The following UBE2E2 variants were observed in gnomAD, a reference collection of about 807,000 sequenced individuals.
UBE2E2 encodes the protein ubiquitin conjugating enzyme E2 E2, also known as ubiquitin-conjugating enzyme E2 E2.
UBE2E2 carries 6 observed loss-of-function variants against 24.7 expected under a neutral mutation model. That is an observed-to-expected ratio of 0.24 (90% CI 0.13 to 0.48). The LOEUF (loss-of-function observed/expected upper bound fraction) is 0.48, where lower values mean the gene tolerates loss of function less well. UBE2E2 is among the 20% of genes least tolerant of loss of function. UBE2E2 has a pLI of 0.99. For synonymous variants in UBE2E2, 104 were observed against 83.6 expected, an observed-to-expected ratio of 1.24 and a Z score of -1.33; for missense variants, 169 against 245.0, an observed-to-expected ratio of 0.69 and a Z score of 2.07.
In UBE2E2 at chr3:23,499,683, A is replaced by G. The variant is rs750229816; in HGVS notation, c.303A>G (p.Gly101=). 5 of 1,613,826 alleles carry G rather than the reference A, an allele frequency of 3.1e-6. No individual in the cohort carries two copies. In the African/African-American group the frequency reaches 6.7e-5, roughly 22 times the overall value. The stretch of plus-strand genomic sequence containing the variant: ...GACCCCCAGGATCTGTCTATGAAGG[A>G]GGGGTGTTCTTTCTTGACATTACCT... The part of the protein sequence containing the change: ...ILGPPGSVYE[G]GVFFLDITFS... The change falls in exon 4 of 6, where the codon GGA becomes GGG. Residue 101 remains glycine, a synonymous_variant. Coordinates refer to ENST00000396703, the MANE Select transcript of UBE2E2 (RefSeq NM_152653.4).
rs1284081496 is a variant in UBE2E2, at chr3:23,270,382, G to T, written c.227+53070G>T. Among the ~76,000 whole-genome samples the T allele has an allele frequency of 4.6e-5, 7 of 152,044 alleles. No individual in the cohort carries two copies. In the South Asian group the frequency reaches 1.5e-3, roughly 32 times the overall value. ...GGCTTGGCTGATCTTGTCTTTTGCC[G>T]TTCCTGCACTCTTTTGTATGAGAGC... On this transcript the variant is annotated intron_variant, in intron 3 of 5. Transcript: ENST00000396703.
At chr3:23,502,881 G>C (rs984820293) in intron 4 of UBE2E2, among the ~76,000 whole-genome samples, 1 of 152,142 alleles carries the variant, frequency 6.6e-6, no homozygotes, top group South Asian at 2.1e-4. Flanking sequence ...ATTTTACATA[G>C]TATCTTTTCT....
At chr3:23,354,345 A>C (rs1052957285) in intron 3 of UBE2E2, among the ~76,000 whole-genome samples, 3 of 152,320 alleles carry the variant, frequency 2.0e-5, no homozygotes, top group Admixed American at 1.3e-4. Context: ...TTCATGTCTA[A>C]AACACCAAAA....
chr3:23,245,831 C>A (rs75894752), intron 3 of UBE2E2, among the ~76,000 whole-genome samples: 2 of 152,116 alleles, frequency 1.3e-5, no homozygotes, highest in Non-Finnish European at 2.9e-5. Context: ...AAAAACCATG[C>A]CTCTTTGAGT....
intron 3 of UBE2E2, among the ~76,000 whole-genome samples, chr3:23,233,189 A>G (rs1349557604): frequency 6.6e-6 from 1 of 152,154 alleles, no homozygotes; most frequent in Admixed American, 6.5e-5. Flanking sequence ...AGAAAGTAGG[A>G]CTGTAAGAGT....
In UBE2E2 at chr3:23,532,656, A is replaced by G; in HGVS notation, c.463A>G (p.Lys155Glu). 6.4e-7 allele frequency: 1 copy of G among 1,570,648 alleles called. No homozygotes were observed. Among genetic ancestry groups the G allele is most frequent in the Non-Finnish European group, 8.7e-7 (1 of 1,149,964 alleles). ...CTGGAGTCCGGCTTTAACTATTTCT[A>G]AAGTTCTCCTCTCCATCTGCTCACT... ...DNWSPALTIS[K>E]VLLSICSLLT... The change falls in exon 5 of 6, where the codon AAA becomes GAA. Residue 155 changes from lysine (K) to glutamate (E), a missense_variant. By Grantham distance (56) the Lys-to-Glu change is moderately conservative. Around this residue, in one of 2 missense-constraint regions of UBE2E2, gnomAD observed 105 missense variants for 180.7 expected, o/e 0.58. Transcript: ENST00000396703.
intron 3 of UBE2E2, among the ~76,000 whole-genome samples, chr3:23,328,486 A>G (rs528978369): frequency 1.3e-5 from 2 of 152,338 alleles, no homozygotes; most frequent in Non-Finnish European, 2.9e-5. Flanking sequence ...TAAGTATTCA[A>G]GCATGTTTAA....
chr3:23,403,155 G>T (rs2125373414), intron 3 of UBE2E2, among the ~76,000 whole-genome samples: 1 of 152,268 alleles, frequency 6.6e-6, no homozygotes, highest in Non-Finnish European at 1.5e-5. Context: ...TTGACTTCTT[G>T]AACAAATATA....
intron 3 of UBE2E2, among the ~76,000 whole-genome samples, chr3:23,411,439 A>G (rs1023738915): frequency 1.3e-5 from 2 of 152,120 alleles, no homozygotes; most frequent in African/African-American, 4.8e-5. Flanking sequence ...CCTGATGACA[A>G]GTAAAATGAA....
At chr3:23,252,290 A>G (rs1410928424) in intron 3 of UBE2E2, among the ~76,000 whole-genome samples, 4 of 152,144 alleles carry the variant, frequency 2.6e-5, no homozygotes, top group Admixed American at 6.5e-5. Flanking sequence ...TGATGGTGTG[A>G]GTTATAATAA....
intron 4 of UBE2E2, among the ~76,000 whole-genome samples, chr3:23,512,706 A>G (rs1398767232): frequency 6.6e-6 from 1 of 152,098 alleles, no homozygotes; most frequent in Admixed American, 6.6e-5. Context: ...GCACTTTAGG[A>G]GGCCAAGACG....
intron 3 of UBE2E2, among the ~76,000 whole-genome samples, chr3:23,400,545 C>T (rs1035600337): frequency 6.0e-5 from 9 of 151,226 alleles, no homozygotes; most frequent in African/African-American, 2.2e-4. Flanking sequence ...AGCATATGGT[C>T]AGCAGTTACT....
chr3:23,498,018 G>A (rs569743546), intron 3 of UBE2E2, among the ~76,000 whole-genome samples: 8 of 152,150 alleles, frequency 5.3e-5, no homozygotes, highest in Admixed American at 5.2e-4. Context: ...TTGATTTTCA[G>A]TTTCATTTCC....
intron 3 of UBE2E2, among the ~76,000 whole-genome samples, chr3:23,399,606 T>C (rs892711063): frequency 2.0e-5 from 3 of 152,214 alleles, no homozygotes; most frequent in African/African-American, 7.2e-5. Flanking sequence ...GAATTTTTCA[T>C]TTAATATTTT....
rs980916023 is a variant in UBE2E2 at position 23,332,848 on chromosome 3, T to C, written c.227+115536T>C. ...TGTGTGTCACTAAGACTTGAAATCATTTTGATAATTTAAAAGAAACCCAGC... is the reference window on the plus strand; with the variant it reads ...TGTGTGTCACTAAGACTTGAAATCACTTTGATAATTTAAAAGAAACCCAGC... On this transcript the variant is annotated intron_variant, in intron 3 of 5. Coordinates refer to ENST00000396703, the MANE Select transcript of UBE2E2 (RefSeq NM_152653.4). 6.6e-5 allele frequency among the ~76,000 whole-genome samples: 10 copies of C among 152,282 alleles called. 2 individuals carry two copies. The highest frequency in any genetic ancestry group is 1.3e-4 in the Admixed American group (2 of 15,272).
At chr3:23,406,395 C>G (rs1328964774) in intron 3 of UBE2E2, among the ~76,000 whole-genome samples, 1 of 152,134 alleles carries the variant, frequency 6.6e-6, no homozygotes, top group African/African-American at 2.4e-5. Flanking sequence ...ACTCTTTGAC[C>G]AAACCTCCAT....
At chr3:23,503,045 A>C (rs1205292690) in intron 4 of UBE2E2, among the ~76,000 whole-genome samples, 1 of 152,178 alleles carries the variant, frequency 6.6e-6, no homozygotes, top group African/African-American at 2.4e-5. Context: ...ATGAACTGCT[A>C]GTGTGTGTAA....
chr3:23,485,416 G>T (rs950760626), intron 3 of UBE2E2, among the ~76,000 whole-genome samples: 59 of 152,048 alleles, frequency 3.9e-4, no homozygotes, highest in African/African-American at 1.4e-3. Flanking sequence ...CCTCTTGTTG[G>T]CAATCAATCA....
intron 3 of UBE2E2, among the ~76,000 whole-genome samples, chr3:23,242,210 GCATGAAT>G (rs1274034379): frequency 6.6e-6 from 1 of 152,040 alleles, no homozygotes; most frequent in African/African-American, 2.4e-5. Flanking sequence ...GGGATTATAG[GCATGAAT>G]CATCAAGCCT....
Sources: allele counts gnomAD v4.1 joint callset (sites outside exome capture counted in the v4.1 genomes callset), GRCh38; gene constraint gnomAD v4.1.1; regional missense constraint gnomAD v4.1.1; transcripts MANE v1.5; gene names NCBI Gene and HGNC (gene_info 2026-07-23, HGNC 2026-07-21).